NKAIN3: variants seen among roughly 807,000 people sequenced by gnomAD.
NKAIN3 encodes sodium/potassium transporting ATPase interacting 3.
NKAIN3 carries 25 observed loss-of-function variants against 30.2 expected under a neutral mutation model. The ratio of observed to expected loss-of-function variants is 0.83; its 90% CI spans 0.60 to 1.16. The LOEUF is 1.16. Among genes scored for constraint, NKAIN3 ranks in the 50% most tolerant of loss-of-function variants. The probability of loss-of-function intolerance (pLI) is 0.00; values close to 1 mark genes in which losing one functional copy is unlikely to be tolerated. For synonymous variants in NKAIN3, 91 were observed against 89.6 expected, an observed-to-expected ratio of 1.02 and a Z score of -0.09; for missense variants, 225 against 254.1, an observed-to-expected ratio of 0.89 and a Z score of 0.78.
chr8:62,519,752 A>G (rs1008324488), intron 1 of NKAIN3, among the ~76,000 whole-genome samples: 1 of 152,146 alleles, frequency 6.6e-6, no homozygotes, highest in Admixed American at 6.6e-5. Context: ...CACTGCTCTT[A>G]TATTCACAGC....
chr8:62,950,693 T>C (rs1214087583), intron 5 of NKAIN3, among the ~76,000 whole-genome samples: 1 of 152,128 alleles, frequency 6.6e-6, no homozygotes, highest in African/African-American at 2.4e-5. Context: ...ACATAGAAGG[T>C]GTGGCTGATT....
chr8:62,850,425 A>G (rs1274824690), intron 4 of NKAIN3, among the ~76,000 whole-genome samples: 1 of 152,000 alleles, frequency 6.6e-6, no homozygotes, highest in Non-Finnish European at 1.5e-5. Context: ...CTCTGATGGT[A>G]GTTTCTTTTG....
intron 4 of NKAIN3, among the ~76,000 whole-genome samples, chr8:62,807,824 A>G (rs1237882086): frequency 6.7e-6 from 1 of 150,110 alleles, no homozygotes; most frequent in Non-Finnish European, 1.5e-5. Context: ...CTCATGCTCT[A>G]TATGATAAAT....
At chr8:62,419,178 T>A (rs1298391294) in intron 1 of NKAIN3, among the ~76,000 whole-genome samples, 1 of 152,120 alleles carries the variant, frequency 6.6e-6, no homozygotes, top group Non-Finnish European at 1.5e-5. Flanking sequence ...CCCCACAGAG[T>A]ACTCATTTTA....
At chr8:62,796,041 T>A (rs868104071) in intron 4 of NKAIN3, among the ~76,000 whole-genome samples, 1 of 152,074 alleles carries the variant, frequency 6.6e-6, no homozygotes, top group Non-Finnish European at 1.5e-5. Flanking sequence ...TCTCCACCTT[T>A]AGTTTGAGGC....
At chr8:62,749,986 T>C (rs948470778) in intron 4 of NKAIN3, among the ~76,000 whole-genome samples, 1 of 152,076 alleles carries the variant, frequency 6.6e-6, no homozygotes, top group African/African-American at 2.4e-5. Flanking sequence ...CTGGCCAGAA[T>C]TGTGCTTCTT....
chr8:62,820,699 C>T (rs763307608), intron 4 of NKAIN3, among the ~76,000 whole-genome samples: 2 of 151,944 alleles, frequency 1.3e-5, no homozygotes, highest in Non-Finnish European at 2.9e-5. Flanking sequence ...TGGGCAGAGA[C>T]GAGGAGAACC....
chr8:62,733,925 A>G (rs997069159), intron 3 of NKAIN3, among the ~76,000 whole-genome samples: 1 of 152,220 alleles, frequency 6.6e-6, no homozygotes, highest in African/African-American at 2.4e-5. Flanking sequence ...GAAGTTAAAC[A>G]TACCTGTTTA....
chr8:62,957,423 C>T (rs559811889), intron 6 of NKAIN3, among the ~76,000 whole-genome samples: 1 of 152,290 alleles, frequency 6.6e-6, no homozygotes, highest in East Asian at 1.9e-4. Flanking sequence ...CGTGAGCCAC[C>T]GCGCCCGGCC....
intron 4 of NKAIN3, among the ~76,000 whole-genome samples, chr8:62,906,277 C>T (rs906146302): frequency 6.6e-6 from 1 of 152,194 alleles, no homozygotes; most frequent in African/African-American, 2.4e-5. Flanking sequence ...CATTAAGTAG[C>T]TATGCTTTCT....
intron 1 of NKAIN3, among the ~76,000 whole-genome samples, chr8:62,289,882 T>A (rs1042675295): frequency 2.0e-5 from 3 of 152,208 alleles, no homozygotes; most frequent in Admixed American, 2.0e-4. Flanking sequence ...GAGCATGGAA[T>A]GTTCTTCCAT....
intron 5 of NKAIN3, among the ~76,000 whole-genome samples, chr8:62,924,098 C>T (rs756387799): frequency 5.9e-5 from 9 of 152,214 alleles, no homozygotes; most frequent in South Asian, 2.1e-4. Context: ...TCATCTACAG[C>T]GATATATCCT....
intron 1 of NKAIN3, among the ~76,000 whole-genome samples, chr8:62,554,680 CAAATA>C (rs956378449): frequency 6.6e-6 from 1 of 152,050 alleles, no homozygotes; most frequent in Admixed American, 6.6e-5. Context: ...AATCCAAAAA[CAAATA>C]AAATTCCTAC....
At chr8:62,950,681 A>G (rs1294600040) in intron 5 of NKAIN3, among the ~76,000 whole-genome samples, 5 of 152,344 alleles carry the variant, frequency 3.3e-5, no homozygotes, top group Admixed American at 2.6e-4. Context: ...AAAAGAAAAA[A>G]CACATAGAAG....
chr8:62,553,312 T>C (rs911235210), intron 1 of NKAIN3, among the ~76,000 whole-genome samples: 4 of 152,096 alleles, frequency 2.6e-5, no homozygotes, highest in Admixed American at 1.3e-4. Context: ...TCTCAAAAAG[T>C]TTGTCTTTTC....
At chr8:62,848,703 T>C (rs868407155) in intron 4 of NKAIN3, among the ~76,000 whole-genome samples, 1 of 152,168 alleles carries the variant, frequency 6.6e-6, no homozygotes. Context: ...TCCAATACTA[T>C]GTTGAATAGT....
chr8:62,910,383 T>A (rs1235064531), intron 4 of NKAIN3, among the ~76,000 whole-genome samples: 1 of 152,126 alleles, frequency 6.6e-6, no homozygotes, highest in Non-Finnish European at 1.5e-5. Flanking sequence ...TCATGTCTCA[T>A]CCTACTCCCA....
At chr8:62,597,429 T>C (rs1810867408) in intron 3 of NKAIN3, among the ~76,000 whole-genome samples, 2 of 152,120 alleles carry the variant, frequency 1.3e-5, no homozygotes, top group African/African-American at 4.8e-5. Flanking sequence ...TTTTTATTTC[T>C]TCAAAGTTGA....
chr8:62,862,317 G>C (rs1367847614), intron 4 of NKAIN3, among the ~76,000 whole-genome samples: 2 of 151,728 alleles, frequency 1.3e-5, no homozygotes, highest in Non-Finnish European at 2.9e-5. Flanking sequence ...AGAAAATATG[G>C]AATCAATGAA....
Sources: allele counts gnomAD v4.1 joint callset (sites outside exome capture counted in the v4.1 genomes callset), GRCh38; gene constraint gnomAD v4.1.1; transcripts MANE v1.5; gene names NCBI Gene and HGNC (gene_info 2026-07-23, HGNC 2026-07-21).